Variants in ATP9B observed in about 807,000 individuals in gnomAD.
ATP9B encodes probable phospholipid-transporting ATPase IIB.
ATP9B carries 110 observed loss-of-function variants against 146.1 expected under a neutral mutation model. The observed-to-expected ratio is 0.75, with a 90% CI of 0.65 to 0.88. The LOEUF (loss-of-function observed/expected upper bound fraction) is 0.88, where lower values mean the gene tolerates loss of function less well. Ranked by LOEUF, ATP9B falls within the 40% of genes least tolerant of loss-of-function variation. The pLI, the probability that ATP9B is intolerant of heterozygous loss-of-function variation, is 0.00. For synonymous variants in ATP9B, 604 were observed against 569.7 expected (o/e 1.06, Z -0.86); for missense variants, 1,499 against 1,496.4 (o/e 1.00, Z -0.03).
chr18:79,200,878 C>T lies in ATP9B; in HGVS notation c.955-6059C>T, dbSNP rs149531373. Among the ~76,000 whole-genome samples the T allele has an allele frequency of 3.9e-4, 51 of 130,436 alleles. 2 individuals carry two copies. The East Asian group carries it at 0.011, about 27-fold the overall frequency. The allele number at this position is 130,436 out of a possible 152,430, so 85.6% of individuals were successfully genotyped here. On this transcript the variant is annotated intron_variant, in intron 9 of 29. Coordinates refer to ENST00000426216, the MANE Select transcript of ATP9B (RefSeq NM_198531.5). Reference sequence around the variant, plus strand: ...GCCATTGAGGTTCTAGAGCCTGAGGCTCCCACACCCTTTTAGGAGCTGGTG... The same window carrying T: ...GCCATTGAGGTTCTAGAGCCTGAGGTTCCCACACCCTTTTAGGAGCTGGTG...
At chr18:79,124,491 A>G (rs2094247508) in intron 4 of ATP9B, among the ~76,000 whole-genome samples, 1 of 152,262 alleles carries the variant, frequency 6.6e-6, no homozygotes, top group Non-Finnish European at 1.5e-5. Context: ...TTCTTTGCAG[A>G]TGGGGCACAT....
Position 79,330,065 on chromosome 18 carries a change from G to A in ATP9B, c.1989G>A (p.Met663Ile). The part of the protein sequence containing the change: ...TFYMKGADVA[M>I]SPIVQYNDWL... The stretch of plus-strand genomic sequence containing the variant: ...ACATGAAGGGCGCTGACGTGGCCAT[G>A]TCTCCTATCGTGCAGTATAATGACT... Residue 663 changes from methionine to isoleucine, a missense_variant, in exon 17 of 30, where the codon ATG (methionine) becomes ATA (isoleucine). Physicochemically the swap from Met to Ile is conservative, Grantham distance 10. Transcript: ENST00000426216. 1 of 1,614,172 alleles carries A rather than the reference G, an allele frequency of 6.2e-7. No individual in the cohort carries two copies. The highest frequency in any genetic ancestry group is 8.5e-7 in the Non-Finnish European group (1 of 1,180,014).
chr18:79,103,534 T>C (rs903634306), intron 2 of ATP9B, among the ~76,000 whole-genome samples: 6 of 152,090 alleles, frequency 3.9e-5, no homozygotes, highest in African/African-American at 9.7e-5. Context: ...GGAAGAATAG[T>C]ATCCATCCTC....
chr18:79,069,491 C>A lies in ATP9B; in HGVS notation c.81C>A (p.Ser27Arg). 3 of 1,471,490 alleles carry A rather than the reference C, an allele frequency of 2.0e-6. No homozygotes were observed. The highest frequency in any genetic ancestry group is 1.3e-5 in the South Asian group (1 of 75,548). 91.2% of individuals were successfully genotyped at this position (1,471,490 alleles called of 1,614,324 possible). ...AANRKRAAYY[S>R]AAGPRPGADR... ...ACCGCAAACGCGCGGCCTACTACAGCGCCGCGGGGCCCAGGCCGGGAGCCG... is the reference window on the plus strand; with the variant it reads ...ACCGCAAACGCGCGGCCTACTACAGAGCCGCGGGGCCCAGGCCGGGAGCCG... Residue 27 changes from serine (S) to arginine (R), a missense_variant, in exon 1 of 30, where the codon AGC (serine) becomes AGA (arginine). By Grantham distance (110) the Ser-to-Arg change is moderately radical (BLOSUM62 -1). Transcript: ENST00000426216.
intron 6 of ATP9B, among the ~76,000 whole-genome samples, chr18:79,150,015 A>C (rs2147554727): frequency 6.6e-6 from 1 of 152,300 alleles, no homozygotes; most frequent in Non-Finnish European, 1.5e-5. Flanking sequence ...CGGGAGGCAG[A>C]GGTTGCAGTG....
intron 8 of ATP9B, among the ~76,000 whole-genome samples, chr18:79,185,186 A>C (rs1484927771): frequency 6.6e-6 from 1 of 152,180 alleles, no homozygotes; most frequent in East Asian, 1.9e-4. Flanking sequence ...ATACACATAT[A>C]TCAAAACAAA....
chr18:79,355,379 T>C, intron 25 of ATP9B, among the ~76,000 whole-genome samples: 1 of 151,718 alleles, frequency 6.6e-6, no homozygotes, highest in African/African-American at 2.4e-5. Flanking sequence ...TGGGAGCAAA[T>C]GGCAAAATAG....
chr18:79,171,818 A>G (rs2095075804), intron 7 of ATP9B, among the ~76,000 whole-genome samples: 1 of 151,548 alleles, frequency 6.6e-6, no homozygotes, highest in Admixed American at 6.6e-5. Flanking sequence ...ATTTCTATAA[A>G]TTTGTCATTT....
chr18:79,208,275 A>G (rs1223602382), intron 10 of ATP9B, among the ~76,000 whole-genome samples: 1 of 152,196 alleles, frequency 6.6e-6, no homozygotes, highest in East Asian at 1.9e-4. Flanking sequence ...TATATAGACC[A>G]GGTCTAGGAG....
chr18:79,260,776 C>T (rs1568519125), intron 12 of ATP9B, among the ~76,000 whole-genome samples: 1 of 152,198 alleles, frequency 6.6e-6, no homozygotes, highest in African/African-American at 2.4e-5. Context: ...ATGAGCAGTG[C>T]AGAGGCCATG....
rs772822927 is a variant in ATP9B, at chr18:79,377,434, G to C, written c.*51G>C. 2.5e-6 allele frequency: 4 copies of C among 1,590,136 alleles called. No individual in the cohort carries two copies. The South Asian group carries it at 4.4e-5, about 18-fold the overall frequency. On this transcript the variant is annotated 3_prime_UTR_variant, in exon 30 of 30. Coordinates refer to ENST00000426216, the MANE Select transcript of ATP9B (RefSeq NM_198531.5). ...GCCCCAGCACCTTCTGCCCTTCCCAGCACCTTGTGCCCTTGCCAGTGAACG... is the reference window on the plus strand; with the variant it reads ...GCCCCAGCACCTTCTGCCCTTCCCACCACCTTGTGCCCTTGCCAGTGAACG...
intron 8 of ATP9B, among the ~76,000 whole-genome samples, chr18:79,179,646 C>A (rs2095226391): frequency 6.6e-6 from 1 of 152,078 alleles, no homozygotes; most frequent in Admixed American, 6.5e-5. Context: ...CTCTTATGGT[C>A]ATAGAACATA....
intron 4 of ATP9B, among the ~76,000 whole-genome samples, chr18:79,120,427 G>T (rs1010700696): frequency 1.3e-5 from 2 of 152,152 alleles, no homozygotes; most frequent in African/African-American, 4.8e-5. Context: ...TGAAAACAAT[G>T]ATAGCTTAAT....
At chr18:79,356,752 G>GGAA (rs1376504623) in intron 25 of ATP9B, among the ~76,000 whole-genome samples, 2 of 149,324 alleles carry the variant, frequency 1.3e-5, no homozygotes, top group African/African-American at 4.9e-5. Flanking sequence ...GGCAGCAGAG[G>GGAA]GAAGTGGTTG....
At chr18:79,109,564 CTT>C (rs34940699) in intron 2 of ATP9B, among the ~76,000 whole-genome samples, 65 of 129,788 alleles carry the variant, frequency 5.0e-4, no homozygotes, top group African/African-American at 6.4e-4. Context: ...ATTGAGCTGT[CTT>C]TTTTTTTTTT....
At chr18:79,315,573 A>C (rs2096674908) in intron 15 of ATP9B, among the ~76,000 whole-genome samples, 1 of 152,256 alleles carries the variant, frequency 6.6e-6, no homozygotes, top group South Asian at 2.1e-4. Flanking sequence ...TGTAGCGGGT[A>C]GCTGCCTGTG....
At chr18:79,336,839 T>A in intron 18 of ATP9B, 128 bp downstream of exon 18, 1 of 900,658 alleles carries the variant, frequency 1.1e-6, no homozygotes. Context: ...GCAGCTTCGC[T>A]CAGCAGGAGC....
At chr18:79,375,591 T>C (rs2097098126) in intron 29 of ATP9B, 165 bp downstream of exon 29, 16 of 985,440 alleles carry the variant, frequency 1.6e-5, no homozygotes, top group Non-Finnish European at 1.8e-5. Context: ...CGGCTAGTCA[T>C]GGGCTGAGTG....
intron 26 of ATP9B, among the ~76,000 whole-genome samples, chr18:79,365,868 A>C: frequency 6.6e-6 from 1 of 151,332 alleles, no homozygotes. Flanking sequence ...CGTGGATGGA[A>C]GGACATCTCC....
Sources: allele counts gnomAD v4.1 joint callset (sites outside exome capture counted in the v4.1 genomes callset), GRCh38; gene constraint gnomAD v4.1.1; transcripts MANE v1.5; gene names NCBI Gene and HGNC (gene_info 2026-07-23, HGNC 2026-07-21).